OCA2: variants seen among roughly 807,000 people sequenced by gnomAD.
OCA2 encodes the protein OCA2 melanosomal transmembrane protein, also known as P protein.
A neutral mutation model predicts 100.2 loss-of-function variants in OCA2; 77 were observed. The ratio of observed to expected loss-of-function variants is 0.77; its 90% confidence interval spans 0.64 to 0.93. The LOEUF is 0.93. Ranked by LOEUF, OCA2 falls within the 40% of genes least tolerant of loss-of-function variation. OCA2 has a pLI of 0.00. For missense variants in OCA2, 1,062 were observed against 1,089.1 expected (o/e 0.98, Z 0.35); for synonymous variants, 432 against 439.2 (o/e 0.98, Z 0.21).
At chr15:28,057,749 A>G (rs992299490) in intron 2 of OCA2, among the ~76,000 whole-genome samples, 8 of 152,238 alleles carry the variant, frequency 5.3e-5, no homozygotes, top group African/African-American at 1.9e-4. Flanking sequence ...GCCCTCTGAG[A>G]GTAAGACAGG....
At chr15:27,896,167 T>G in intron 19 of OCA2, 1 of 933,746 alleles carries the variant, frequency 1.1e-6, no homozygotes, top group Non-Finnish European at 1.7e-6. Flanking sequence ...GGCAATGAAG[T>G]TTTTGGTGCC....
At chr15:27,742,449 G>C in the OCA2 span, among the ~76,000 whole-genome samples, 2 of 152,194 alleles carry the variant, frequency 1.3e-5, no homozygotes, top group South Asian at 4.1e-4. Flanking sequence ...ATGTGGGAGG[G>C]GGACAAAAGC....
intron 21 of OCA2, among the ~76,000 whole-genome samples, chr15:27,853,383 T>C (rs2035832202): frequency 8.0e-6 from 1 of 124,314 alleles, no homozygotes; most frequent in African/African-American, 3.1e-5. Flanking sequence ...TGAGATCACA[T>C]GGACACAGGA....
intron 23 of OCA2, among the ~76,000 whole-genome samples, chr15:27,837,455 A>C (rs1473457500): frequency 1.3e-5 from 2 of 152,172 alleles, no homozygotes; most frequent in Admixed American, 6.5e-5. Context: ...TAAACTCCAC[A>C]TTATTACTTG....
chr15:28,033,567 G>A (rs940265736), intron 2 of OCA2, among the ~76,000 whole-genome samples: 14 of 152,256 alleles, frequency 9.2e-5, no homozygotes, highest in Middle Eastern at 6.8e-3. Flanking sequence ...TCCGCTGGGC[G>A]TCATCTCTGG....
the OCA2 span, among the ~76,000 whole-genome samples, chr15:27,737,515 T>C: frequency 6.6e-6 from 1 of 152,162 alleles, no homozygotes; most frequent in African/African-American, 2.4e-5. Flanking sequence ...GATAGTCTTT[T>C]AAATGAAAAG....
At chr15:27,799,626 T>C (rs2033503385) in intron 23 of OCA2, among the ~76,000 whole-genome samples, 1 of 152,022 alleles carries the variant, frequency 6.6e-6, no homozygotes, top group African/African-American at 2.4e-5. Flanking sequence ...ATGCCTGTAA[T>C]TCCAGCTACT....
chr15:27,834,792 G>A (rs1027656735), intron 23 of OCA2, among the ~76,000 whole-genome samples: 2 of 152,214 alleles, frequency 1.3e-5, no homozygotes, highest in African/African-American at 4.8e-5. Context: ...ATGGTAACTA[G>A]TGGCTCCTGT....
chr15:27,896,166 GT>G, intron 19 of OCA2: 6 of 940,190 alleles, frequency 6.4e-6, no homozygotes, highest in Non-Finnish European at 8.6e-6. Context: ...TGGCAATGAA[GT>G]TTTTGGTGCC....
intron 19 of OCA2, among the ~76,000 whole-genome samples, chr15:27,882,486 T>C (rs1158195775): frequency 2.0e-5 from 3 of 152,222 alleles, no homozygotes; most frequent in Admixed American, 2.0e-4. Flanking sequence ...TCATTGATCA[T>C]AGTTATAAAA....
intron 19 of OCA2, among the ~76,000 whole-genome samples, chr15:27,914,285 C>T (rs1180906328): frequency 1.3e-5 from 2 of 152,034 alleles, no homozygotes; most frequent in Non-Finnish European, 2.9e-5. Flanking sequence ...GGAACCATTC[C>T]CTTTGAGAAC....
intron 21 of OCA2, among the ~76,000 whole-genome samples, chr15:27,861,038 G>A (rs923251940): frequency 2.6e-5 from 4 of 152,212 alleles, no homozygotes; most frequent in Admixed American, 1.3e-4. Context: ...GAAGAATTTG[G>A]AATGTATTTG....
At chr15:27,814,939 GATAGA>G (rs2034233624) in intron 23 of OCA2, among the ~76,000 whole-genome samples, 1 of 134,698 alleles carries the variant, frequency 7.4e-6, no homozygotes, top group African/African-American at 2.7e-5. Context: ...TAGATAGATA[GATAGA>G]TACAGAGATA....
intron 2 of OCA2, among the ~76,000 whole-genome samples, chr15:28,046,834 T>C (rs2043362572): frequency 6.6e-6 from 1 of 152,170 alleles, no homozygotes; most frequent in Non-Finnish European, 1.5e-5. Context: ...TCACACAGGG[T>C]AGGCAGCCAC....
chr15:27,742,948 ACC>A, the OCA2 span, among the ~76,000 whole-genome samples: 1 of 152,176 alleles, frequency 6.6e-6, no homozygotes, highest in Non-Finnish European at 1.5e-5. Context: ...TTCTGTACAC[ACC>A]TCAGGAGGCT....
chr15:27,929,308 A>G (rs1290370727), intron 18 of OCA2, among the ~76,000 whole-genome samples: 2 of 152,228 alleles, frequency 1.3e-5, no homozygotes, highest in African/African-American at 4.8e-5. Context: ...AAATAAATTG[A>G]TCAATGGAGA....
At chr15:27,776,976 G>T (rs1045905965) in intron 23 of OCA2, among the ~76,000 whole-genome samples, 3 of 141,568 alleles carry the variant, frequency 2.1e-5, no homozygotes, top group Non-Finnish European at 4.6e-5. Flanking sequence ...GCGTGAGGTG[G>T]GGGGGGGTGG....
At chr15:27,884,995 GC>G (rs2037167590) in intron 19 of OCA2, among the ~76,000 whole-genome samples, 1 of 152,244 alleles carries the variant, frequency 6.6e-6, no homozygotes, top group African/African-American at 2.4e-5. Context: ...CTATGATGAA[GC>G]TTTACAGTGA....
At chr15:28,010,539 GA>G (rs2042211979) in intron 9 of OCA2, among the ~76,000 whole-genome samples, 1 of 152,008 alleles carries the variant, frequency 6.6e-6, no homozygotes. Flanking sequence ...TTAATACACA[GA>G]AAAATGTATT....
Sources: gnomAD v4.1 joint callset for allele counts (sites outside exome capture counted in the v4.1 genomes callset) on GRCh38, gnomAD v4.1.1 for gene constraint, MANE v1.5 for transcripts, NCBI Gene and HGNC (gene_info 2026-07-23, HGNC 2026-07-21) for gene names.